The following CHD9 variants were observed in gnomAD, a reference collection of about 807,000 sequenced individuals.
The protein encoded by CHD9 is chromodomain helicase DNA binding protein 9, also known as ATP-dependent chromatin remodeler CHD9.
A neutral mutation model predicts 316.1 loss-of-function variants in CHD9; 77 were observed. The ratio of observed to expected loss-of-function variants is 0.24; its 90% CI spans 0.20 to 0.29. CHD9 has a LOEUF of 0.29. Among genes scored for constraint, CHD9 ranks in the 10% least tolerant of loss-of-function variants. The pLI is 1.00. For synonymous variants in CHD9, 1,129 were observed against 1,158.3 expected (o/e 0.97, Z 0.51); for missense variants, 2,763 against 3,438.1 (o/e 0.80, Z 4.91).
intron 2 of CHD9, among the ~76,000 whole-genome samples, chr16:53,163,668 T>C (rs2042077660): frequency 6.6e-6 from 1 of 152,188 alleles, no homozygotes. Flanking sequence ...TTTGTAATGG[T>C]TTAGCAACCA....
intron 1 of CHD9, among the ~76,000 whole-genome samples, chr16:53,055,913 G>A (rs2032049966): frequency 6.6e-6 from 1 of 152,226 alleles, no homozygotes; most frequent in Non-Finnish European, 1.5e-5. Flanking sequence ...TCCCCACCCT[G>A]ATCCCAGAGA....
rs937342789 is a variant in CHD9 at position 53,278,926 on chromosome 16, T to A, written c.4967+4624T>A. Among the ~76,000 whole-genome samples the A allele has an allele frequency of 5.3e-4, 80 of 152,272 alleles. 1 individual carries two copies. Among genetic ancestry groups the A allele is most frequent in the Admixed American group, 1.4e-3 (22 of 15,292 alleles). On this transcript the variant is annotated intron_variant, in intron 24 of 38. Transcript: ENST00000447540. ...ACTGTTGGTGGGACTGTAAACTACTTCAACCATTGTGGAAGACAGTGTGGC... is the reference window on the plus strand; with the variant it reads ...ACTGTTGGTGGGACTGTAAACTACTACAACCATTGTGGAAGACAGTGTGGC...
chr16:53,101,930 T>C (rs915227168), intron 1 of CHD9, among the ~76,000 whole-genome samples: 14 of 152,152 alleles, frequency 9.2e-5, no homozygotes, highest in African/African-American at 2.9e-4. Flanking sequence ...TGTAGAGAGA[T>C]CATATGTAGG....
intron 1 of CHD9, among the ~76,000 whole-genome samples, chr16:53,144,824 T>C (rs2040432934): frequency 6.6e-6 from 1 of 151,414 alleles, no homozygotes; most frequent in African/African-American, 2.4e-5. Context: ...ACGCCCAGCC[T>C]ACAACATATT....
intron 1 of CHD9, among the ~76,000 whole-genome samples, chr16:53,106,398 A>G (rs191902593): frequency 6.9e-4 from 105 of 152,350 alleles, no homozygotes; most frequent in African/African-American, 2.4e-3. Context: ...GTGAACTCAA[A>G]GAAGCATAGT....
chr16:53,270,252 C>T (rs1486292720), intron 22 of CHD9, among the ~76,000 whole-genome samples: 3 of 151,290 alleles, frequency 2.0e-5, no homozygotes, highest in Admixed American at 1.3e-4. Flanking sequence ...ATCCTCCTGC[C>T]TCAGCCTCCC....
intron 2 of CHD9, among the ~76,000 whole-genome samples, chr16:53,173,404 C>G (rs2042901374): frequency 6.6e-6 from 1 of 152,052 alleles, no homozygotes; most frequent in Admixed American, 6.6e-5. Flanking sequence ...ATTAGTGTCT[C>G]CTTTTCTTCC....
intron 1 of CHD9, among the ~76,000 whole-genome samples, chr16:53,094,526 C>T (rs1596963883): frequency 6.6e-6 from 1 of 152,154 alleles, no homozygotes; most frequent in South Asian, 2.1e-4. Context: ...ATAGTGTCAC[C>T]TCTGCCTAAT....
chr16:53,192,794 G>T (rs571131197), intron 2 of CHD9, among the ~76,000 whole-genome samples: 1 of 152,106 alleles, frequency 6.6e-6, no homozygotes. Context: ...TTTGTTCCCT[G>T]TATCAATAGC....
chr16:53,230,463 T>A (rs1166548323), intron 8 of CHD9, among the ~76,000 whole-genome samples: 5 of 152,096 alleles, frequency 3.3e-5, no homozygotes, highest in South Asian at 2.1e-4. Flanking sequence ...CTATTTTTTT[T>A]AAAAAAAGAT....
intron 1 of CHD9, among the ~76,000 whole-genome samples, chr16:53,098,042 C>T (rs1389835633): frequency 6.6e-6 from 1 of 152,146 alleles, no homozygotes; most frequent in Admixed American, 6.5e-5. Flanking sequence ...ATCACTTGAA[C>T]CCAGGAGGTG....
At chr16:53,136,717 A>G (rs2039741128) in intron 1 of CHD9, among the ~76,000 whole-genome samples, 1 of 152,192 alleles carries the variant, frequency 6.6e-6, no homozygotes, top group African/African-American at 2.4e-5. Context: ...TTCACTACAT[A>G]TTCCAATATA....
intron 2 of CHD9, among the ~76,000 whole-genome samples, chr16:53,164,444 T>C (rs2042131271): frequency 6.6e-6 from 1 of 152,006 alleles, no homozygotes; most frequent in Non-Finnish European, 1.5e-5. Flanking sequence ...CTGGGAGTGA[T>C]GGTGTGCACC....
intron 22 of CHD9, among the ~76,000 whole-genome samples, chr16:53,272,463 G>A (rs1324186531): frequency 2.6e-5 from 4 of 152,006 alleles, no homozygotes; most frequent in Non-Finnish European, 2.9e-5. Flanking sequence ...CAAGGAAAAG[G>A]TAAATGAGGT....
intron 1 of CHD9, among the ~76,000 whole-genome samples, chr16:53,074,303 G>C (rs950608597): frequency 6.6e-6 from 1 of 152,160 alleles, no homozygotes; most frequent in Admixed American, 6.5e-5. Flanking sequence ...AGTTTTAAAA[G>C]GGAAGCAGAG....
At chr16:53,130,811 C>T (rs1351300353) in intron 1 of CHD9, 5 of 151,808 alleles carry the variant, frequency 3.3e-5, no homozygotes, top group East Asian at 1.9e-4. Flanking sequence ...GCTGGAGCCG[C>T]GGCAGGAGCG....
chr16:53,315,406 T>C (rs933635616), intron 36 of CHD9, among the ~76,000 whole-genome samples: 1 of 152,252 alleles, frequency 6.6e-6, no homozygotes, highest in African/African-American at 2.4e-5. Context: ...CCTGCAGTTA[T>C]GCTGACATAC....
intron 1 of CHD9, among the ~76,000 whole-genome samples, chr16:53,103,220 A>T (rs1199623423): frequency 2.0e-5 from 3 of 148,782 alleles, no homozygotes; most frequent in African/African-American, 7.4e-5. Context: ...TAAAAAAGAG[A>T]TGGGGTTTCA....
At chr16:53,170,174 C>G (rs1263729942) in intron 2 of CHD9, among the ~76,000 whole-genome samples, 1 of 151,184 alleles carries the variant, frequency 6.6e-6, no homozygotes, top group Non-Finnish European at 1.5e-5. Flanking sequence ...GTATAGGTAT[C>G]TTTTCACCTT....
Sources: allele counts gnomAD v4.1 joint callset (sites outside exome capture counted in the v4.1 genomes callset), GRCh38; gene constraint gnomAD v4.1.1; transcripts MANE v1.5; gene names NCBI Gene and HGNC (gene_info 2026-07-23, HGNC 2026-07-21).